GLT1D1: variants seen among roughly 807,000 people sequenced by gnomAD.
GLT1D1 encodes glycosyltransferase 1 domain containing 1, also known as glycosyltransferase 1 domain-containing protein 1.
Under a neutral mutation model 28.7 loss-of-function variants are expected in GLT1D1, and 21 were observed. The observed-to-expected ratio is 0.73, with a 90% CI of 0.52 to 1.05. GLT1D1 has a LOEUF of 1.05. GLT1D1 is among the 50% of genes least tolerant of loss of function. The probability of loss-of-function intolerance (pLI) is 0.00; values close to 1 mark genes in which losing one functional copy is unlikely to be tolerated. For missense variants in GLT1D1, 343 were observed against 330.6 expected, an observed-to-expected ratio of 1.04 and a Z score of -0.29; for synonymous variants, 147 against 124.8, an observed-to-expected ratio of 1.18 and a Z score of -1.19.
Position 128,927,730 on chromosome 12 carries a change from G to C in GLT1D1, c.376-17596G>C, listed in dbSNP as rs1278628518. Among the ~76,000 whole-genome samples the C allele has an allele frequency of 2.0e-5, 3 of 151,622 alleles. No homozygotes were observed. In the East Asian group the frequency reaches 5.9e-4, roughly 30 times the overall value. On this transcript the variant is annotated intron_variant, in intron 4 of 7. Transcript: ENST00000281703. ...CAGAGGAGTCCGGCTGGGCGCACTG[G>C]CTCACGCCTGTAATCCTGGCAACTT...
At chr12:128,981,844 G>A (rs1880346252) in intron 7 of GLT1D1, among the ~76,000 whole-genome samples, 1 of 152,130 alleles carries the variant, frequency 6.6e-6, no homozygotes. Context: ...ATTGACAGTT[G>A]AGGAGCTGAG....
intron 7 of GLT1D1, among the ~76,000 whole-genome samples, chr12:128,973,241 G>C (rs1282748001): frequency 8.4e-6 from 1 of 119,468 alleles, no homozygotes; most frequent in Non-Finnish European, 1.7e-5. Context: ...GGAGTCCAGT[G>C]ACACGATATT....
rs529795705 is a variant in GLT1D1, at chr12:128,910,296, G to A, written c.375+11009G>A. Among the ~76,000 whole-genome samples, 472 of 137,506 alleles carry A rather than the reference G, an allele frequency of 3.4e-3. 3 individuals carry two copies. The highest frequency in any genetic ancestry group is 5.9e-3 in the Non-Finnish European group (383 of 65,274). The allele number at this position is 137,506 out of a possible 152,430, so 90.2% of individuals were successfully genotyped here. A position where few individuals can be genotyped will look rare whatever the true frequency, so the allele number is the denominator to read the frequency against. ...TTTTTTTTTTTTTTTGGTGGAAAAA[G>A]GAGTTTCTTGACAGGAACATTTTGA... On this transcript the variant is annotated intron_variant, in intron 4 of 7. Coordinates refer to ENST00000281703, the MANE Select transcript of GLT1D1 (RefSeq NM_144669.3).
intron 3 of GLT1D1, among the ~76,000 whole-genome samples, chr12:128,894,964 G>T (rs988451636): frequency 6.7e-6 from 1 of 150,280 alleles, no homozygotes; most frequent in Admixed American, 6.7e-5. Context: ...TGTTTATTCG[G>T]TTGCTCAAAT....
At chr12:128,924,611 C>CA (rs1175876512) in intron 4 of GLT1D1, among the ~76,000 whole-genome samples, 1 of 151,892 alleles carries the variant, frequency 6.6e-6, no homozygotes, top group Non-Finnish European at 1.5e-5. Context: ...CCCCCGCCAC[C>CA]ACGCCCAGTT....
intron 4 of GLT1D1, among the ~76,000 whole-genome samples, chr12:128,919,720 T>C (rs1413696778): frequency 1.3e-5 from 2 of 152,216 alleles, no homozygotes; most frequent in African/African-American, 4.8e-5. Flanking sequence ...ATCAAATTAG[T>C]TACCTGGTCT....
At chr12:128,901,399 C>T (rs1203048167) in intron 4 of GLT1D1, among the ~76,000 whole-genome samples, 3 of 151,662 alleles carry the variant, frequency 2.0e-5, no homozygotes, top group East Asian at 1.9e-4. Context: ...GGATTACAGG[C>T]GTGAGCCACC....
At chr12:128,936,558 T>C (rs1874585396) in intron 4 of GLT1D1, among the ~76,000 whole-genome samples, 1 of 152,236 alleles carries the variant, frequency 6.6e-6, no homozygotes, top group Admixed American at 6.5e-5. Context: ...CTATTAAAGC[T>C]TCTTTGATCT....
chr12:128,879,417 T>G (rs1447678387), intron 2 of GLT1D1, among the ~76,000 whole-genome samples: 1 of 108,296 alleles, frequency 9.2e-6, no homozygotes, highest in Non-Finnish European at 1.8e-5. Flanking sequence ...TTTCTTTCTT[T>G]CTTTCTTTCT....
At chr12:128,874,448 C>T (rs1300019427) in intron 1 of GLT1D1, among the ~76,000 whole-genome samples, 1 of 147,350 alleles carries the variant, frequency 6.8e-6, no homozygotes, top group Non-Finnish European at 1.5e-5. Flanking sequence ...TCCCAGAGTG[C>T]TGGGATTACA....
At chr12:128,895,756 G>T (rs1869561613) in intron 3 of GLT1D1, among the ~76,000 whole-genome samples, 1 of 152,112 alleles carries the variant, frequency 6.6e-6, no homozygotes, top group African/African-American at 2.4e-5. Context: ...ACCGCTTCCG[G>T]CCTTACAGAT....
At chr12:128,930,736 G>A (rs1406222250) in intron 4 of GLT1D1, among the ~76,000 whole-genome samples, 3 of 152,200 alleles carry the variant, frequency 2.0e-5, no homozygotes, top group African/African-American at 7.2e-5. Flanking sequence ...CTCTTCCAGA[G>A]AAGTAAAGAC....
At chr12:128,952,838 G>A (rs1226069681) in intron 6 of GLT1D1, among the ~76,000 whole-genome samples, 2 of 130,164 alleles carry the variant, frequency 1.5e-5, no homozygotes, top group Admixed American at 9.6e-5. Flanking sequence ...GAGTGCAGTG[G>A]CACATTCTTG....
intron 6 of GLT1D1, 152 bp downstream of exon 10, chr12:128,947,610 T>G (rs980095612): frequency 4.0e-6 from 3 of 756,524 alleles, no homozygotes; most frequent in Non-Finnish European, 6.7e-6. Flanking sequence ...TCAAAAGTAC[T>G]TTTGAAGTTC....
chr12:128,940,703 C>G (rs1875115614), intron 4 of GLT1D1, among the ~76,000 whole-genome samples: 1 of 152,214 alleles, frequency 6.6e-6, no homozygotes, highest in South Asian at 2.1e-4. Flanking sequence ...CCCAAAGCAC[C>G]TGTTCCTTCC....
At position 128,879,435 on chromosome 12, in the gene GLT1D1, T is replaced by TTTCTTTCC. The variant is rs1956972007; in HGVS notation, c.217+3380_217+3381insCTTCTTTC. 1.8e-4 allele frequency among the ~76,000 whole-genome samples: 22 copies of TTTCTTTCC among 120,288 alleles called. No homozygotes were observed. The Admixed American group carries it at 2.0e-3, about 11-fold the overall frequency. The allele number at this position is 120,288 out of a possible 152,430, so 78.9% of individuals were successfully genotyped here. ...CTTTCTTTCTTTCTTTCTTTCTTTC[T>TTTCTTTCC]TTCTTTCTTTCTTTCTTTCTTTCTT... On this transcript the variant is annotated intron_variant, in intron 2 of 7. Coordinates refer to ENST00000281703, the MANE Select transcript of GLT1D1 (RefSeq NM_144669.3).
Position 128,876,081 on chromosome 12 carries a change from A to G in GLT1D1, c.217+19A>G. The G allele has an allele frequency of 1.3e-6, 2 of 1,587,210 alleles. No individual in the cohort carries two copies. The highest frequency in any genetic ancestry group is 2.3e-5 in the East Asian group (1 of 44,274). The stretch of plus-strand genomic sequence containing the variant: ...TTGCAAGGTAATCCTCTTTTTCTTC[A>G]AAAGTAAAACACTAGAAATTCTGAA... On this transcript the variant is annotated intron_variant, in intron 2 of 7. Transcript: ENST00000281703.
At chr12:128,933,544 G>C (rs759047174) in intron 4 of GLT1D1, among the ~76,000 whole-genome samples, 1 of 152,206 alleles carries the variant, frequency 6.6e-6, no homozygotes, top group African/African-American at 2.4e-5. Context: ...TTAGGGTGTA[G>C]TTTGAAAAGC....
intron 4 of GLT1D1, among the ~76,000 whole-genome samples, chr12:128,934,473 C>T (rs559264860): frequency 3.7e-4 from 56 of 152,262 alleles, no homozygotes; most frequent in African/African-American, 1.3e-3. Context: ...GGATTACAGG[C>T]GTGAGCCACT....
Sources: allele counts gnomAD v4.1 joint callset (sites outside exome capture counted in the v4.1 genomes callset), GRCh38; gene constraint gnomAD v4.1.1; transcripts MANE v1.5; gene names NCBI Gene and HGNC (gene_info 2026-07-23, HGNC 2026-07-21).